Variants in LIMCH1 observed in about 807,000 individuals in gnomAD.
The protein encoded by LIMCH1 is LIM and calponin homology domains 1.
Under a neutral mutation model 176.5 loss-of-function variants are expected in LIMCH1, and 113 were observed. That is an observed-to-expected ratio of 0.64 (90% CI 0.55 to 0.75). LIMCH1 has a LOEUF of 0.75. LIMCH1 is among the 30% of genes least tolerant of loss of function. The probability of loss-of-function intolerance (pLI) is 0.00; values close to 1 mark genes in which losing one functional copy is unlikely to be tolerated. For synonymous variants in LIMCH1, 619 were observed against 645.9 expected (o/e 0.96, Z 0.63); for missense variants, 1,674 against 1,814.9 (o/e 0.92, Z 1.41).
At chr4:41,681,706 A>G (rs1459947286) in intron 25 of LIMCH1, among the ~76,000 whole-genome samples, 3 of 152,134 alleles carry the variant, frequency 2.0e-5, no homozygotes, top group African/African-American at 7.2e-5. Context: ...AAACTAATGC[A>G]TGCTGGGCTT....
chr4:41,651,429 A>G (rs1456294258), intron 18 of LIMCH1, among the ~76,000 whole-genome samples: 2 of 152,200 alleles, frequency 1.3e-5, no homozygotes, highest in Non-Finnish European at 2.9e-5. Flanking sequence ...TCTGAGTAGT[A>G]AGGGTTAGGA....
At chr4:41,374,829 T>TCCAGG (rs2154099242) in intron 1 of LIMCH1, among the ~76,000 whole-genome samples, 1 of 152,272 alleles carries the variant, frequency 6.6e-6, no homozygotes, top group Non-Finnish European at 1.5e-5. Flanking sequence ...CTTCAGAAGG[T>TCCAGG]CCAGGCTTTT....
At chr4:41,391,312 G>T (rs1031245856) in intron 1 of LIMCH1, among the ~76,000 whole-genome samples, 2 of 152,142 alleles carry the variant, frequency 1.3e-5, no homozygotes, top group African/African-American at 4.8e-5. Context: ...TGATCCAATT[G>T]TTGGCAATTT....
intron 13 of LIMCH1, 31 bp from the exon 14 acceptor site, chr4:41,638,901 C>G (rs1011753488): frequency 6.3e-7 from 1 of 1,598,116 alleles, no homozygotes; most frequent in African/African-American, 1.3e-5. Flanking sequence ...TCAACTCTGC[C>G]AGTCCTCTAA....
intron 2 of LIMCH1, among the ~76,000 whole-genome samples, chr4:41,503,600 G>T (rs1026093638): frequency 2.0e-5 from 3 of 152,164 alleles, no homozygotes; most frequent in Admixed American, 6.5e-5. Flanking sequence ...GTTCAGAGAA[G>T]GATGCTTTGG....
intron 10 of LIMCH1, among the ~76,000 whole-genome samples, chr4:41,631,918 A>ATGT (rs2093347928): frequency 6.6e-6 from 1 of 152,230 alleles, no homozygotes; most frequent in Non-Finnish European, 1.5e-5. Flanking sequence ...ATCTAAGTAG[A>ATGT]CATATTAAAA....
chr4:41,567,861 T>C (rs982032162), intron 1 of LIMCH1, among the ~76,000 whole-genome samples: 1 of 152,164 alleles, frequency 6.6e-6, no homozygotes, highest in Non-Finnish European at 1.5e-5. Flanking sequence ...GTCCTTAAAA[T>C]TGGCAGCTAT....
At chr4:41,670,410 A>G (rs2094972943) in intron 21 of LIMCH1, among the ~76,000 whole-genome samples, 1 of 152,190 alleles carries the variant, frequency 6.6e-6, no homozygotes, top group African/African-American at 2.4e-5. Context: ...TTGTTCTTGC[A>G]TAGTATATCA....
intron 15 of LIMCH1, 27 bp downstream of exon 15, chr4:41,644,653 A>G: frequency 6.3e-7 from 1 of 1,587,540 alleles, no homozygotes; most frequent in Non-Finnish European, 8.6e-7. Flanking sequence ...GCGCGCGGGC[A>G]GCGGGGAGGC....
intron 2 of LIMCH1, among the ~76,000 whole-genome samples, chr4:41,517,372 T>G (rs559878829): frequency 1.3e-5 from 2 of 152,078 alleles, no homozygotes; most frequent in African/African-American, 2.4e-5. Flanking sequence ...TGGTAAGCAG[T>G]CTCTGCCACA....
intron 1 of LIMCH1, among the ~76,000 whole-genome samples, chr4:41,366,796 A>G (rs552628537): frequency 6.6e-6 from 1 of 152,350 alleles, no homozygotes; most frequent in South Asian, 2.1e-4. Flanking sequence ...TGAAAACAAC[A>G]CTTCCAAAGA....
chr4:41,403,189 A>G (rs1473654704), intron 1 of LIMCH1, among the ~76,000 whole-genome samples: 1 of 152,028 alleles, frequency 6.6e-6, no homozygotes, highest in Non-Finnish European at 1.5e-5. Flanking sequence ...ACATTTTATT[A>G]CTAAAATTTC....
Position 41,692,274 on chromosome 4 carries a change from C to T in LIMCH1, c.4276-8C>T. The T allele has an allele frequency of 1.9e-6, 3 of 1,554,098 alleles. No homozygotes were observed. The highest frequency in any genetic ancestry group is 2.7e-6 in the Non-Finnish European group (3 of 1,125,472). On this transcript the variant is annotated splice_region_variant and splice_polypyrimidine_tract_variant and intron_variant, in intron 30 of 31. Transcript: ENST00000503057. ...CATCTTATGATGTCTGTTCTTTTTA[C>T]CCTATAGTGTGGAATTTGTAAAGGC... is the stretch of plus-strand genomic sequence containing the variant.
At chr4:41,604,602 A>G (rs557738512) in intron 3 of LIMCH1, among the ~76,000 whole-genome samples, 1 of 152,214 alleles carries the variant, frequency 6.6e-6, no homozygotes, top group East Asian at 1.9e-4. Context: ...GCCATTTTTC[A>G]TCATAAAATT....
intron 1 of LIMCH1, among the ~76,000 whole-genome samples, chr4:41,543,869 T>C (rs925807796): frequency 1.3e-5 from 2 of 152,228 alleles, no homozygotes; most frequent in African/African-American, 4.8e-5. Flanking sequence ...TGTTTCACCC[T>C]GTTGCTCCAC....
chr4:41,561,464 A>G (rs911289270), intron 1 of LIMCH1, among the ~76,000 whole-genome samples: 2 of 152,226 alleles, frequency 1.3e-5, no homozygotes, highest in African/African-American at 4.8e-5. Flanking sequence ...TGTGAGCAGA[A>G]TACAGATGAA....
At chr4:41,630,883 T>C (rs144933120) in intron 9 of LIMCH1, among the ~76,000 whole-genome samples, 175 of 152,336 alleles carry the variant, frequency 1.1e-3, no homozygotes, top group Admixed American at 5.6e-3. Flanking sequence ...GTATACCTAA[T>C]ACAGTGCTTT....
intron 1 of LIMCH1, among the ~76,000 whole-genome samples, chr4:41,462,199 G>A (rs1162069167): frequency 6.6e-6 from 1 of 152,204 alleles, no homozygotes; most frequent in Middle Eastern, 3.2e-3. Context: ...GGAGGGGGCA[G>A]TATGTTTGAC....
At chr4:41,610,570 A>G (rs2091301240) in intron 4 of LIMCH1, among the ~76,000 whole-genome samples, 1 of 152,328 alleles carries the variant, frequency 6.6e-6, no homozygotes, top group East Asian at 1.9e-4. Flanking sequence ...CTTTTAGAGT[A>G]CTTGTTCTGT....
Sources: gnomAD v4.1 joint callset for allele counts (sites outside exome capture counted in the v4.1 genomes callset) on GRCh38, gnomAD v4.1.1 for gene constraint, MANE v1.5 for transcripts, NCBI Gene and HGNC (gene_info 2026-07-23, HGNC 2026-07-21) for gene names.